PARD3B: variants seen among roughly 807,000 people sequenced by gnomAD.
PARD3B encodes par-3 family cell polarity regulator beta.
In PARD3B, 103 loss-of-function variants were observed where a neutral mutation model predicts 130.2. That is an observed-to-expected ratio of 0.79 (90% confidence interval 0.67 to 0.93). The LOEUF (loss-of-function observed/expected upper bound fraction) is 0.93. Among genes scored for constraint, PARD3B ranks in the 40% least tolerant of loss-of-function variants. The probability of loss-of-function intolerance (pLI) is 0.00; values close to 1 mark genes in which losing one functional copy is unlikely to be tolerated. For synonymous variants in PARD3B, 583 were observed against 553.2 expected, an observed-to-expected ratio of 1.05 and a Z score of -0.76; for missense variants, 1,609 against 1,499.2, an observed-to-expected ratio of 1.07 and a Z score of -1.21.
At chr2:205,611,102 G>A (rs1275614570) in intron 22 of PARD3B, among the ~76,000 whole-genome samples, 1 of 152,206 alleles carries the variant, frequency 6.6e-6, no homozygotes, top group Admixed American at 6.5e-5. Flanking sequence ...AAGGCAGGGT[G>A]AAAGACAGAT....
At chr2:205,295,680 G>T (rs1172290938) in intron 16 of PARD3B, among the ~76,000 whole-genome samples, 1 of 152,012 alleles carries the variant, frequency 6.6e-6, no homozygotes, top group East Asian at 1.9e-4. Context: ...TCCAATTACT[G>T]GTCTTCTGGA....
chr2:205,503,445 C>A (rs957906189), intron 21 of PARD3B, among the ~76,000 whole-genome samples: 1 of 151,336 alleles, frequency 6.6e-6, no homozygotes, highest in Admixed American at 6.6e-5. Flanking sequence ...ATTTTTTTCC[C>A]CTTTTGCAAA....
intron 3 of PARD3B, among the ~76,000 whole-genome samples, chr2:205,004,402 T>G (rs892163612): frequency 6.6e-6 from 1 of 152,246 alleles, no homozygotes; most frequent in African/African-American, 2.4e-5. Context: ...AATAAGGTTT[T>G]GTTATAAAAA....
intron 2 of PARD3B, among the ~76,000 whole-genome samples, chr2:204,867,365 T>C (rs1421985400): frequency 2.0e-5 from 3 of 152,196 alleles, no homozygotes; most frequent in African/African-American, 7.2e-5. Flanking sequence ...AAGGTCTGCG[T>C]TGGTGGCTAC....
chr2:205,380,934 G>GAATATATTATATGTAAAT (rs1559034975), intron 18 of PARD3B, among the ~76,000 whole-genome samples: 10 of 81,382 alleles, frequency 1.2e-4, no homozygotes, highest in Middle Eastern at 0.017. Context: ...AATATATAAA[G>GAATATATTATATGTAAAT]AATATATATA....
chr2:205,452,616 G>A (rs1389282654), intron 20 of PARD3B, among the ~76,000 whole-genome samples: 1 of 152,212 alleles, frequency 6.6e-6, no homozygotes, highest in East Asian at 1.9e-4. Context: ...CCAGATAAAT[G>A]CTAATAGTAA....
chr2:204,708,704 C>A (rs970492272), intron 2 of PARD3B, among the ~76,000 whole-genome samples: 1 of 152,000 alleles, frequency 6.6e-6, no homozygotes, highest in South Asian at 2.1e-4. Context: ...AGAATTGTAC[C>A]AGAGTAATTT....
In PARD3B at chr2:205,440,199, A is replaced by T. The variant is rs146680742; in HGVS notation, c.2742-171A>T. ...CCTGTAACAAATAAAGATCAGATAT[A>T]TAAAATTAATCTTCTTATGCTGTTG... is the stretch of plus-strand genomic sequence containing the variant. On this transcript the variant is annotated intron_variant, in intron 19 of 22. Coordinates refer to ENST00000406610, the MANE Select transcript of PARD3B (RefSeq NM_001302769.2). This position sits in a 1 kb window ranked among gnomAD's most constrained non-coding sequence, Gnocchi z 4.2. 6.6e-6 allele frequency among the ~76,000 whole-genome samples: 1 copy of T among 152,338 alleles called. No individual in the cohort carries two copies. Among genetic ancestry groups the T allele is most frequent in the East Asian group, 1.9e-4 (1 of 5,180 alleles).
intron 11 of PARD3B, among the ~76,000 whole-genome samples, chr2:205,161,921 G>A (rs1373841341): frequency 6.6e-6 from 1 of 152,160 alleles, no homozygotes; most frequent in East Asian, 1.9e-4. Context: ...CTGTGTGCTG[G>A]ATTCTCCTGG....
chr2:204,601,429 T>C (rs1195030605), intron 1 of PARD3B, among the ~76,000 whole-genome samples: 1 of 152,008 alleles, frequency 6.6e-6, no homozygotes, highest in African/African-American at 2.4e-5. Context: ...TTTTTTAATA[T>C]ATAAAAAGCT....
At chr2:204,821,288 T>G (rs567971933) in intron 2 of PARD3B, among the ~76,000 whole-genome samples, 10 of 152,096 alleles carry the variant, frequency 6.6e-5, no homozygotes, top group Non-Finnish European at 1.5e-4. Flanking sequence ...GTTTTAAAAA[T>G]GGGAACCAAC....
At chr2:205,126,676 G>A (rs1175662275) in intron 10 of PARD3B, among the ~76,000 whole-genome samples, 1 of 142,736 alleles carries the variant, frequency 7.0e-6, no homozygotes, top group East Asian at 2.3e-4. Context: ...AACCCGGGAA[G>A]CGGAGCTTGC....
intron 11 of PARD3B, among the ~76,000 whole-genome samples, chr2:205,167,710 T>C (rs1021033993): frequency 2.0e-5 from 3 of 152,212 alleles, no homozygotes; most frequent in African/African-American, 7.2e-5. Context: ...AAAGTCTGAA[T>C]GTAGAAGCAA....
At position 204,646,238 on chromosome 2, in the gene PARD3B, G is replaced by A. The variant is rs770738705; in HGVS notation, c.121-39943G>A. 3.9e-5 allele frequency among the ~76,000 whole-genome samples: 6 copies of A among 152,056 alleles called. 1 individual carries two copies. The highest frequency in any genetic ancestry group is 3.3e-4 in the Admixed American group (5 of 15,252). On this transcript the variant is annotated intron_variant, in intron 1 of 22. Coordinates refer to ENST00000406610, the MANE Select transcript of PARD3B (RefSeq NM_001302769.2). ...TTGCTTGCACCCCAGAAGTTCTCACGTGCCACTGCTGAAACACTTTTCCCT... is the reference window on the plus strand; with the variant it reads ...TTGCTTGCACCCCAGAAGTTCTCACATGCCACTGCTGAAACACTTTTCCCT...
At chr2:205,147,105 A>C (rs2125686652) in intron 10 of PARD3B, among the ~76,000 whole-genome samples, 1 of 152,384 alleles carries the variant, frequency 6.6e-6, no homozygotes, top group South Asian at 2.1e-4. Context: ...TACTTTTAAC[A>C]GAAAGAAGTA....
At chr2:205,387,603 A>G (rs1164468186) in intron 18 of PARD3B, among the ~76,000 whole-genome samples, 1 of 152,184 alleles carries the variant, frequency 6.6e-6, no homozygotes, top group East Asian at 1.9e-4. Flanking sequence ...GAAAAAATAT[A>G]TTGGCTCGAG....
intron 1 of PARD3B, among the ~76,000 whole-genome samples, chr2:204,629,914 A>G (rs1368538223): frequency 6.6e-6 from 1 of 152,204 alleles, no homozygotes; most frequent in Non-Finnish European, 1.5e-5. Context: ...TATTTAACAA[A>G]TATACCGAAA....
At chr2:205,330,034 TA>T (rs67944963) in intron 18 of PARD3B, among the ~76,000 whole-genome samples, 483 of 3,598 alleles carry the variant, frequency 0.13, 2 homozygotes, top group Middle Eastern at 0.25. Context: ...AATAAATAAA[TA>T]AAATAAAATA....
chr2:204,885,231 G>A (rs2046229602), intron 2 of PARD3B, among the ~76,000 whole-genome samples: 1 of 152,178 alleles, frequency 6.6e-6, no homozygotes, highest in Non-Finnish European at 1.5e-5. Context: ...AATGATCAGT[G>A]ATGTTGAGCT....
Sources: gnomAD v4.1 joint callset for allele counts (sites outside exome capture counted in the v4.1 genomes callset) on GRCh38, gnomAD v4.1.1 for gene constraint, Gnocchi (gnomAD v3.1) non-coding constraint, MANE v1.5 for transcripts, NCBI Gene and HGNC (gene_info 2026-07-23, HGNC 2026-07-21) for gene names.